Variants in PHTF2 observed in about 807,000 individuals in gnomAD.
The protein encoded by PHTF2 is protein PHTF2.
A neutral mutation model predicts 101.2 loss-of-function variants in PHTF2; 60 were observed. That is an observed-to-expected ratio of 0.59 (90% CI 0.48 to 0.73). The LOEUF is 0.73. Ranked by LOEUF, PHTF2 falls within the 30% of genes least tolerant of loss-of-function variation. The probability of loss-of-function intolerance (pLI) is 0.00; values close to 1 mark genes in which losing one functional copy is unlikely to be tolerated. For synonymous variants in PHTF2, 311 were observed against 307.3 expected (o/e 1.01, Z -0.13); for missense variants, 747 against 908.7 (o/e 0.82, Z 2.29).
At chr7:77,927,195 T>TACACACACACACAC (rs1434065287) in intron 11 of PHTF2, among the ~76,000 whole-genome samples, 118 of 78,416 alleles carry the variant, frequency 1.5e-3, no homozygotes, top group African/African-American at 4.3e-3. Flanking sequence ...TATATATATA[T>TACACACACACACAC]ACATACACAC....
chr7:77,856,800 G>A (rs1236909285), intron 3 of PHTF2, among the ~76,000 whole-genome samples: 1 of 151,990 alleles, frequency 6.6e-6, no homozygotes, highest in African/African-American at 2.4e-5. Flanking sequence ...ATGAGAGGAT[G>A]TGCATATGTT....
At chr7:77,949,734 C>A in exon 17 of PHTF2, 1 of 1,563,948 alleles carries the variant, frequency 6.4e-7, no homozygotes, top group Admixed American at 1.8e-5. Flanking sequence ...AATTGGTAAT[C>A]TGGTGCATCT....
At chr7:77,821,905 G>A (rs954609216) in intron 1 of PHTF2, among the ~76,000 whole-genome samples, 23 of 152,212 alleles carry the variant, frequency 1.5e-4, no homozygotes, top group African/African-American at 5.5e-4. Flanking sequence ...CCTACCAGGA[G>A]CAGCCTGCTG....
exon 18 of PHTF2, chr7:77,951,669 C>T: frequency 2.0e-6 from 3 of 1,483,830 alleles, no homozygotes; most frequent in Non-Finnish European, 1.8e-6. Context: ...GAGGAACTGA[C>T]ACTAGTGAAT....
intron 7 of PHTF2, among the ~76,000 whole-genome samples, chr7:77,904,321 GT>G (rs1471105515): frequency 6.6e-6 from 1 of 152,070 alleles, no homozygotes; most frequent in African/African-American, 2.4e-5. Context: ...AATCCTCTAT[GT>G]TCTCTCAAAT....
At chr7:77,876,926 T>C (rs1398124572) in intron 3 of PHTF2, among the ~76,000 whole-genome samples, 1 of 152,088 alleles carries the variant, frequency 6.6e-6, no homozygotes, top group Non-Finnish European at 1.5e-5. Flanking sequence ...TCCAAATAAT[T>C]TTGAATTGAG....
At chr7:77,868,742 T>G (rs1032169971) in intron 3 of PHTF2, among the ~76,000 whole-genome samples, 14 of 152,202 alleles carry the variant, frequency 9.2e-5, no homozygotes, top group African/African-American at 3.4e-4. Flanking sequence ...TATGGGCTTT[T>G]ATGCTTGCAG....
chr7:77,858,861 T>C (rs962177219), intron 3 of PHTF2, among the ~76,000 whole-genome samples: 3 of 152,194 alleles, frequency 2.0e-5, no homozygotes, highest in African/African-American at 7.2e-5. Context: ...GAAGTTATAT[T>C]GGTTTTCTAT....
chr7:77,842,981 T>A (rs1337635963), intron 2 of PHTF2, among the ~76,000 whole-genome samples: 2 of 152,180 alleles, frequency 1.3e-5, no homozygotes, highest in Admixed American at 1.3e-4. Flanking sequence ...TAGGCCTTGA[T>A]TTGCTGACCC....
At chr7:77,929,142 C>T (rs199608889) in exon 12 of PHTF2, 14 of 1,613,686 alleles carry the variant, frequency 8.7e-6, no homozygotes, top group Non-Finnish European at 4.2e-6. Context: ...TTGCAGCTCT[C>T]GCTGTTCAAG....
At chr7:77,853,664 G>A (rs1277896590) in intron 2 of PHTF2, among the ~76,000 whole-genome samples, 1 of 152,050 alleles carries the variant, frequency 6.6e-6, no homozygotes, top group Non-Finnish European at 1.5e-5. Context: ...AAAGTGTTGG[G>A]ATTACAGGTA....
intron 2 of PHTF2, among the ~76,000 whole-genome samples, chr7:77,841,517 T>C (rs1302911603): frequency 2.0e-5 from 3 of 152,142 alleles, no homozygotes; most frequent in African/African-American, 7.2e-5. Context: ...CAGGCTTGAG[T>C]GCAGTTGCAC....
In PHTF2 at chr7:77,901,756, T is replaced by C; in HGVS notation, c.287-6T>C. On this transcript the variant is annotated splice_region_variant and splice_polypyrimidine_tract_variant and intron_variant, in intron 6 of 19. Transcript: ENST00000416283. The stretch of plus-strand genomic sequence containing the variant: ...ATACTCTGTTGTCCTATTTTACTTT[T>C]TTCAGGGTCTGCATTTGCAAAGGCA... The C allele has an allele frequency of 6.8e-7, 1 of 1,476,724 alleles. No homozygotes were observed. Among genetic ancestry groups the C allele is most frequent in the East Asian group, 2.5e-5 (1 of 39,570 alleles). 91.5% of individuals were successfully genotyped at this position (1,476,724 alleles called of 1,614,324 possible).
At chr7:77,831,020 T>C (rs1029691537) in intron 1 of PHTF2, among the ~76,000 whole-genome samples, 1 of 152,206 alleles carries the variant, frequency 6.6e-6, no homozygotes, top group East Asian at 1.9e-4. Flanking sequence ...CTCTTAAGAC[T>C]GCCAACAAAA....
At chr7:77,842,260 G>A (rs991188071) in intron 2 of PHTF2, among the ~76,000 whole-genome samples, 3 of 152,084 alleles carry the variant, frequency 2.0e-5, no homozygotes. Flanking sequence ...CTGGAGTGCT[G>A]TGGCACAATC....
chr7:77,838,341 T>G (rs1470577378), intron 1 of PHTF2, among the ~76,000 whole-genome samples: 1 of 152,212 alleles, frequency 6.6e-6, no homozygotes. Flanking sequence ...GGAGGTGAAC[T>G]TTGAAATCTG....
At chr7:77,940,251 T>G (rs1211193951) in exon 14 of PHTF2, 1 of 1,613,714 alleles carries the variant, frequency 6.2e-7, no homozygotes, top group South Asian at 1.1e-5. Flanking sequence ...GCGTGTCTCT[T>G]GTGTGGATTT....
chr7:77,811,469 T>A (rs1793435675), intron 1 of PHTF2, among the ~76,000 whole-genome samples: 1 of 152,264 alleles, frequency 6.6e-6, no homozygotes, highest in African/African-American at 2.4e-5. Context: ...CATCTATTGA[T>A]GATTCTTGTG....
At chr7:77,876,478 G>A (rs1798951892) in intron 3 of PHTF2, among the ~76,000 whole-genome samples, 1 of 152,170 alleles carries the variant, frequency 6.6e-6, no homozygotes, top group Non-Finnish European at 1.5e-5. Flanking sequence ...TGAAGTTCAT[G>A]TCTTTTGAAG....
Sources: gnomAD v4.1 joint callset for allele counts (sites outside exome capture counted in the v4.1 genomes callset) on GRCh38, gnomAD v4.1.1 for gene constraint, MANE v1.5 for transcripts, NCBI Gene and HGNC (gene_info 2026-07-23, HGNC 2026-07-21) for gene names.